Variants in PIK3C3 observed in about 807,000 individuals in gnomAD.
PIK3C3 encodes phosphatidylinositol 3-kinase catalytic subunit type 3, also known as PI3-kinase type 3.
In PIK3C3, 95 loss-of-function variants were observed where a neutral mutation model predicts 126.1. The ratio of observed to expected loss-of-function variants is 0.75; its 90% CI spans 0.64 to 0.89. The LOEUF (loss-of-function observed/expected upper bound fraction) is 0.89. Among genes scored for constraint, PIK3C3 ranks in the 40% least tolerant of loss-of-function variants. PIK3C3 has a pLI of 0.00. For synonymous variants in PIK3C3, 374 were observed against 360.0 expected (o/e 1.04, Z -0.44); for missense variants, 829 against 1,063.2 (o/e 0.78, Z 3.06).
At position 42,054,126 on chromosome 18, in the gene PIK3C3, GTATATATATA is replaced by G. The variant is rs60224978; in HGVS notation, c.2264-3700_2264-3691del. On this transcript the variant is annotated intron_variant, in intron 21 of 24. Transcript: ENST00000262039. ...GTTCTCTAGAGGGACAGAACTAATGGTATATATATATATATATATATATATATATATATAT... is the reference window on the plus strand; with the variant it reads ...GTTCTCTAGAGGGACAGAACTAATGGTATATATATATATATATATATATAT... Among the ~76,000 whole-genome samples the G allele has an allele frequency of 4.3e-4, 30 of 69,632 alleles. 2 individuals carry two copies. Among genetic ancestry groups the G allele is most frequent in the East Asian group, 1.7e-3 (2 of 1,156 alleles). The allele number at this position is 69,632 out of a possible 152,430, so 45.7% of individuals were successfully genotyped here. A position where few individuals can be genotyped will look rare whatever the true frequency, so the allele number is the denominator to read the frequency against.
intron 12 of PIK3C3, among the ~76,000 whole-genome samples, chr18:42,018,935 C>G (rs891123942): frequency 6.6e-6 from 1 of 152,150 alleles, no homozygotes; most frequent in Non-Finnish European, 1.5e-5. Flanking sequence ...TGAGCACTCA[C>G]TGCTGTCTGC....
rs1568016633 is a variant in PIK3C3, at chr18:42,081,349, G to A, written c.*212G>A. 4.8e-6 allele frequency: 2 copies of A among 414,716 alleles called. No homozygotes were observed. Among genetic ancestry groups the A allele is most frequent in the East Asian group, 3.5e-5 (1 of 28,188 alleles). The allele number at this position is 414,716 out of a possible 1,614,324, so 25.7% of individuals were successfully genotyped here. On this transcript the variant is annotated 3_prime_UTR_variant, in exon 25 of 25. Transcript: ENST00000262039. ...CTTGAAGGGCTTGTTTTGAAATATT[G>A]TATATATTTTTTCAAATGTATACAT...
chr18:41,966,796 G>C (rs774319504), intron 3 of PIK3C3, among the ~76,000 whole-genome samples: 40 of 152,140 alleles, frequency 2.6e-4, no homozygotes, highest in Non-Finnish European at 5.3e-4. Flanking sequence ...CTCACTCTCA[G>C]ATTAAGGTGA....
At chr18:41,989,440 T>C (rs755443776) in intron 5 of PIK3C3, among the ~76,000 whole-genome samples, 2 of 152,184 alleles carry the variant, frequency 1.3e-5, no homozygotes, top group Non-Finnish European at 2.9e-5. Context: ...GACTTCATTG[T>C]ATTTTCACTT....
chr18:41,977,500 A>ATT (rs200563316), intron 4 of PIK3C3, among the ~76,000 whole-genome samples: 1 of 146,426 alleles, frequency 6.8e-6, no homozygotes, highest in African/African-American at 2.5e-5. Context: ...ATATATGTGT[A>ATT]TTTTTTTTTT....
chr18:41,993,464 C>A, intron 7 of PIK3C3, 123 bp downstream of exon 7: 1 of 625,532 alleles, frequency 1.6e-6, no homozygotes, highest in Non-Finnish European at 2.9e-6. Context: ...AAAAGTGATT[C>A]ATAAATTCAC....
chr18:42,046,385 G>T (rs1050787879), intron 20 of PIK3C3, among the ~76,000 whole-genome samples: 5 of 152,180 alleles, frequency 3.3e-5, no homozygotes, highest in Non-Finnish European at 5.9e-5. Context: ...AAAGTCTCAA[G>T]TGTATATCAT....
chr18:42,076,161 T>TATGC (rs1568013817), intron 24 of PIK3C3, among the ~76,000 whole-genome samples: 2 of 96,942 alleles, frequency 2.1e-5, no homozygotes, highest in African/African-American at 5.1e-5. Context: ...TATATATATA[T>TATGC]GCACATATAT....
At position 42,084,440 on chromosome 18, in the gene PIK3C3, G is replaced by A. The variant is rs1207841012; in HGVS notation, c.*3303G>A. 3.3e-5 allele frequency: 5 copies of A among 152,080 alleles called. No individual in the cohort carries two copies. The South Asian group carries it at 1.0e-3, about 32-fold the overall frequency. 9.4% of individuals were successfully genotyped at this position (152,080 alleles called of 1,614,324 possible). A position where few individuals can be genotyped will look rare whatever the true frequency, so the allele number is the denominator to read the frequency against. ...TTATATACAGAAAATATACTGATTT[G>A]CCAAAATGAGTAATTTTGATATATT... is the stretch of plus-strand genomic sequence containing the variant. On this transcript the variant is annotated 3_prime_UTR_variant, in exon 25 of 25. Coordinates refer to ENST00000262039, the MANE Select transcript of PIK3C3 (RefSeq NM_002647.4).
At chr18:42,064,379 A>T (rs181727361) in intron 22 of PIK3C3, among the ~76,000 whole-genome samples, 1 of 152,298 alleles carries the variant, frequency 6.6e-6, no homozygotes, top group African/African-American at 2.4e-5. Context: ...TTCATCTAGC[A>T]AAAACAGATA....
intron 10 of PIK3C3, among the ~76,000 whole-genome samples, chr18:42,006,573 A>G (rs1282652527): frequency 6.6e-6 from 1 of 152,110 alleles, no homozygotes; most frequent in African/African-American, 2.4e-5. Context: ...CATGAACATA[A>G]ACTCAGGTGT....
intron 10 of PIK3C3, among the ~76,000 whole-genome samples, chr18:42,007,472 TA>T (rs1367900658): frequency 1.3e-5 from 2 of 152,156 alleles, no homozygotes; most frequent in African/African-American, 4.8e-5. Flanking sequence ...TTGCATATTA[TA>T]AAAATATTGA....
At chr18:41,985,617 A>G (rs1214114289) in intron 4 of PIK3C3, among the ~76,000 whole-genome samples, 1 of 152,062 alleles carries the variant, frequency 6.6e-6, no homozygotes, top group Non-Finnish European at 1.5e-5. Context: ...GAACATTTTC[A>G]TTCTTTTGTG....
rs1453559394 is a variant in PIK3C3, at chr18:42,029,418, G to GA, written c.1687dup (p.Ser563LysfsTer5). The GA allele has an allele frequency of 6.2e-7, 1 of 1,608,444 alleles. No individual in the cohort carries two copies. ...GCATCTAATGAAGGCAGTACAACGC[G>GA]AAAGTGGAAATCGTAAGAAAAAGGT... On this transcript the variant is annotated frameshift_variant, in exon 15 of 25. Coordinates refer to ENST00000262039, the MANE Select transcript of PIK3C3 (RefSeq NM_002647.4). LOFTEE classifies it high-confidence loss of function.
At chr18:41,967,970 G>A (rs537613119) in intron 3 of PIK3C3, among the ~76,000 whole-genome samples, 1 of 152,296 alleles carries the variant, frequency 6.6e-6, no homozygotes, top group South Asian at 2.1e-4. Context: ...TGGACACGAT[G>A]CTCTGAGCAT....
intron 4 of PIK3C3, among the ~76,000 whole-genome samples, chr18:41,978,692 C>A (rs1439987806): frequency 6.6e-6 from 1 of 152,086 alleles, no homozygotes; most frequent in Non-Finnish European, 1.5e-5. Flanking sequence ...CATCCAAGTG[C>A]CCTTCAGCCT....
chr18:42,006,822 T>TG (rs1982567511), intron 10 of PIK3C3, among the ~76,000 whole-genome samples: 1 of 150,754 alleles, frequency 6.6e-6, no homozygotes, highest in Non-Finnish European at 1.5e-5. Context: ...AAGAGGTGTG[T>TG]GGGGGAGGGT....
intron 21 of PIK3C3, among the ~76,000 whole-genome samples, chr18:42,055,404 G>C (rs992009182): frequency 6.6e-6 from 1 of 152,096 alleles, no homozygotes; most frequent in Non-Finnish European, 1.5e-5. Flanking sequence ...TGGGAACAGA[G>C]AGTGGGAGTA....
In PIK3C3 at chr18:41,973,991, A is replaced by C. The variant is rs1980793377; in HGVS notation, c.531+3535A>C. 2.0e-5 allele frequency among the ~76,000 whole-genome samples: 3 copies of C among 152,154 alleles called. No individual in the cohort carries two copies. The South Asian group carries it at 6.2e-4, about 31-fold the overall frequency. ...GCTTAAGACTAAAAAGATATACATA[A>C]ATCTTAATAATAGCAAAGCATTTTT... On this transcript the variant is annotated intron_variant, in intron 4 of 24. Coordinates refer to ENST00000262039, the MANE Select transcript of PIK3C3 (RefSeq NM_002647.4).
Sources: gnomAD v4.1 joint callset for allele counts (sites outside exome capture counted in the v4.1 genomes callset) on GRCh38, gnomAD v4.1.1 for gene constraint, MANE v1.5 for transcripts, NCBI Gene and HGNC (gene_info 2026-07-23, HGNC 2026-07-21) for gene names.